Variants in MAST4 observed in about 807,000 individuals in gnomAD.
The protein encoded by MAST4 is microtubule associated serine/threonine kinase family member 4, also known as microtubule-associated serine/threonine-protein kinase 4.
In MAST4, 89 loss-of-function variants were observed where a neutral mutation model predicts 162.7. That is an observed-to-expected ratio of 0.55 (90% confidence interval 0.46 to 0.65). The LOEUF (loss-of-function observed/expected upper bound fraction) is 0.65. Ranked by LOEUF, MAST4 falls within the 30% of genes least tolerant of loss-of-function variation. The pLI is 0.00. For synonymous variants in MAST4, 1,479 were observed against 1,361.1 expected (o/e 1.09, Z -1.91); for missense variants, 3,153 against 3,374.0 (o/e 0.93, Z 1.62).
intron 3 of MAST4, among the ~76,000 whole-genome samples, chr5:66,789,017 A>G (rs1398342426): frequency 6.6e-6 from 1 of 152,232 alleles, no homozygotes. Flanking sequence ...TTCTCCCAAA[A>G]GAAATGAAAG....
chr5:67,149,041 TG>T (rs751316540), intron 23 of MAST4, among the ~76,000 whole-genome samples: 10 of 151,538 alleles, frequency 6.6e-5, no homozygotes, highest in Admixed American at 1.3e-4. Context: ...TTTCATGGTA[TG>T]GGGGGGGTAG....
intron 4 of MAST4, among the ~76,000 whole-genome samples, chr5:67,046,560 A>G (rs189576550): frequency 1.4e-4 from 21 of 152,338 alleles, no homozygotes; most frequent in Non-Finnish European, 2.4e-4. Context: ...GTACATGGGA[A>G]TAGACATTCC....
intron 1 of MAST4, among the ~76,000 whole-genome samples, chr5:66,705,574 C>G (rs538350437): frequency 2.0e-5 from 3 of 152,128 alleles, no homozygotes; most frequent in Non-Finnish European, 4.4e-5. Context: ...ATTTAAAATG[C>G]TGTGAAATGA....
At chr5:66,650,705 A>T (rs572775554) in intron 1 of MAST4, among the ~76,000 whole-genome samples, 1 of 152,314 alleles carries the variant, frequency 6.6e-6, no homozygotes, top group South Asian at 2.1e-4. Context: ...GGTTAGCCCA[A>T]ATACACACAT....
At chr5:67,078,929 T>TAATATATATATATAATATATATATATATA (rs1449621572) in intron 5 of MAST4, among the ~76,000 whole-genome samples, 1 of 67,218 alleles carries the variant, frequency 1.5e-5, no homozygotes, top group African/African-American at 8.4e-5. Flanking sequence ...TATATATATA[T>TAATATATATATATAATATATATATATATA]ATATATATAT....
rs761644901 is a variant in MAST4, at chr5:67,169,521, ATTG to A, written c.*2475_*2477del. ...TAAGAAATTCCTTATGGACGTCATA[ATTG>A]TTGTATATTGAACAAAATATTTATA... On this transcript the variant is annotated 3_prime_UTR_variant, in exon 29 of 29. Coordinates refer to ENST00000403625, the MANE Select transcript of MAST4 (RefSeq NM_001164664.2). The A allele has an allele frequency of 2.6e-5, 4 of 152,214 alleles. No homozygotes were observed. The highest frequency in any genetic ancestry group is 4.4e-5 in the Non-Finnish European group (3 of 68,036). 9.4% of individuals were successfully genotyped at this position (152,214 alleles called of 1,614,324 possible).
chr5:67,162,907 A>G (rs1773369449), intron 28 of MAST4, 119 bp downstream of exon 28: 1 of 1,155,498 alleles, frequency 8.7e-7, no homozygotes, highest in Admixed American at 2.8e-5. Context: ...GTAAATTATA[A>G]AGACAGATTT....
chr5:67,037,967 G>C (rs999368097), intron 4 of MAST4, among the ~76,000 whole-genome samples: 2 of 151,728 alleles, frequency 1.3e-5, no homozygotes, highest in African/African-American at 4.8e-5. Context: ...TTCATAAGTG[G>C]AATTATGTTT....
intron 4 of MAST4, 32 bp downstream of exon 4, chr5:66,900,014 T>C: frequency 7.1e-7 from 1 of 1,414,330 alleles, no homozygotes; most frequent in Non-Finnish European, 9.5e-7. Flanking sequence ...CCTTGTTTTC[T>C]TTTTATTAAT....
intron 23 of MAST4, among the ~76,000 whole-genome samples, chr5:67,149,046 G>GA (rs1771452133): frequency 1.3e-5 from 2 of 152,090 alleles, no homozygotes; most frequent in African/African-American, 4.8e-5. Context: ...TGGTATGGGG[G>GA]GGGTAGGGGC....
intron 4 of MAST4, among the ~76,000 whole-genome samples, chr5:67,008,882 C>A (rs1442080502): frequency 6.6e-6 from 1 of 152,204 alleles, no homozygotes; most frequent in African/African-American, 2.4e-5. Flanking sequence ...CATTCGGCAT[C>A]TTCCCTTCAG....
intron 6 of MAST4, 63 bp downstream of exon 6, chr5:67,090,294 T>A: frequency 9.4e-7 from 1 of 1,068,088 alleles, no homozygotes; most frequent in Non-Finnish European, 1.4e-6. Flanking sequence ...TTCCTCTCCC[T>A]CTCCCCACTT....
intron 1 of MAST4, among the ~76,000 whole-genome samples, chr5:66,742,287 C>T (rs950905160): frequency 1.1e-4 from 16 of 152,120 alleles, no homozygotes; most frequent in African/African-American, 3.9e-4. Flanking sequence ...TCACACTTCC[C>T]GAGGCGGCCA....
intron 1 of MAST4, among the ~76,000 whole-genome samples, chr5:66,654,854 C>G (rs1474191721): frequency 6.6e-6 from 1 of 151,908 alleles, no homozygotes; most frequent in African/African-American, 2.4e-5. Context: ...TGGTTAGTGG[C>G]CAACAAGTGA....
intron 3 of MAST4, among the ~76,000 whole-genome samples, chr5:66,845,926 T>C (rs1758823498): frequency 6.6e-6 from 1 of 152,174 alleles, no homozygotes; most frequent in Non-Finnish European, 1.5e-5. Context: ...TAGTATCCTA[T>C]GAAAGAATTA....
chr5:67,060,289 T>C (rs941944838), intron 5 of MAST4, among the ~76,000 whole-genome samples: 1 of 152,012 alleles, frequency 6.6e-6, no homozygotes, highest in African/African-American at 2.4e-5. Context: ...AATTGGACGG[T>C]GGTAAAGGCA....
At chr5:67,004,367 G>A (rs1221641490) in intron 4 of MAST4, among the ~76,000 whole-genome samples, 1 of 152,240 alleles carries the variant, frequency 6.6e-6, no homozygotes, top group Non-Finnish European at 1.5e-5. Context: ...GTCCACAAAG[G>A]TGTCAGGTTC....
chr5:66,677,743 AC>A (rs916363773), intron 1 of MAST4, among the ~76,000 whole-genome samples: 6 of 152,304 alleles, frequency 3.9e-5, no homozygotes, highest in African/African-American at 1.4e-4. Flanking sequence ...AGCCAGGCAC[AC>A]TTAAATGGCA....
At chr5:67,023,772 C>T (rs1754279563) in intron 4 of MAST4, among the ~76,000 whole-genome samples, 3 of 152,046 alleles carry the variant, frequency 2.0e-5, no homozygotes, top group Admixed American at 2.0e-4. Flanking sequence ...GTTTGAAAGA[C>T]TGGCAAATGT....
Sources: allele counts gnomAD v4.1 joint callset (sites outside exome capture counted in the v4.1 genomes callset), GRCh38; gene constraint gnomAD v4.1.1; transcripts MANE v1.5; gene names NCBI Gene and HGNC (gene_info 2026-07-23, HGNC 2026-07-21).